LYPD6B: variants seen among roughly 807,000 people sequenced by gnomAD.
LYPD6B encodes LY6/PLAUR domain containing 6B.
Under a neutral mutation model 22.8 loss-of-function variants are expected in LYPD6B, and 17 were observed. The observed-to-expected ratio is 0.75, with a 90% CI of 0.51 to 1.12. LYPD6B has a LOEUF of 1.12. Ranked by LOEUF, LYPD6B falls within the 50% of genes most tolerant of loss-of-function variation. The pLI, the probability that LYPD6B is intolerant of heterozygous loss-of-function variation, is 0.00. For missense variants in LYPD6B, 221 were observed against 258.3 expected, an observed-to-expected ratio of 0.86 and a Z score of 0.99; for synonymous variants, 106 against 91.6, an observed-to-expected ratio of 1.16 and a Z score of -0.90.
At chr2:149,179,978 C>A (rs1331124849) in intron 3 of LYPD6B, among the ~76,000 whole-genome samples, 1 of 152,042 alleles carries the variant, frequency 6.6e-6, no homozygotes, top group Admixed American at 6.6e-5. Context: ...TTTATTTTTC[C>A]TGACAATAAT....
At chr2:149,047,688 CA>C (rs1391872137) in intron 1 of LYPD6B, among the ~76,000 whole-genome samples, 1 of 152,060 alleles carries the variant, frequency 6.6e-6, no homozygotes, top group Non-Finnish European at 1.5e-5. Flanking sequence ...AAATTCTCAG[CA>C]ATTATTTTTT....
At chr2:149,047,686 A>T (rs1466896696) in intron 1 of LYPD6B, among the ~76,000 whole-genome samples, 1 of 152,048 alleles carries the variant, frequency 6.6e-6, no homozygotes, top group Non-Finnish European at 1.5e-5. Flanking sequence ...GAAAATTCTC[A>T]GCAATTATTT....
At chr2:149,156,143 G>A (rs1689685258) in intron 2 of LYPD6B, among the ~76,000 whole-genome samples, 2 of 152,162 alleles carry the variant, frequency 1.3e-5, no homozygotes, top group Admixed American at 6.5e-5. Flanking sequence ...GGAACCTCTA[G>A]TCAGCACAGA....
At chr2:149,081,822 A>G (rs115922212) in intron 1 of LYPD6B, among the ~76,000 whole-genome samples, 1 of 152,346 alleles carries the variant, frequency 6.6e-6, no homozygotes, top group African/African-American at 2.4e-5. Flanking sequence ...TAAATATCAT[A>G]TAGCCCTAGA....
At chr2:149,150,790 A>G (rs391931) in intron 2 of LYPD6B, among the ~76,000 whole-genome samples, 98,644 of 151,802 alleles carry the variant, frequency 0.65, 32,198 homozygotes, top group South Asian at 0.76. Flanking sequence ...CCCTTTGTTT[A>G]TTTCTAGAAC....
At chr2:149,121,078 G>A (rs1424688448) in intron 1 of LYPD6B, among the ~76,000 whole-genome samples, 3 of 152,022 alleles carry the variant, frequency 2.0e-5, no homozygotes, top group Non-Finnish European at 2.9e-5. Context: ...AGGTATGAGC[G>A]ACCCCGCCTG....
intron 1 of LYPD6B, among the ~76,000 whole-genome samples, chr2:149,060,310 C>T (rs1340722882): frequency 2.0e-5 from 3 of 152,126 alleles, no homozygotes; most frequent in Non-Finnish European, 4.4e-5. Flanking sequence ...GCTGCTGTAT[C>T]TTTAAAATAG....
At chr2:149,087,944 G>C (rs373180042) in intron 1 of LYPD6B, among the ~76,000 whole-genome samples, 33 of 152,246 alleles carry the variant, frequency 2.2e-4, no homozygotes, top group African/African-American at 7.7e-4. Context: ...CCACCACTAG[G>C]GGGTAACGCT....
chr2:149,194,240 T>A (rs1472703487), intron 3 of LYPD6B, among the ~76,000 whole-genome samples: 5 of 152,202 alleles, frequency 3.3e-5, no homozygotes, highest in Admixed American at 3.3e-4. Context: ...TCATAACAAT[T>A]GCCCTTACAC....
chr2:149,039,226 A>AGCAC (rs1682954814), intron 1 of LYPD6B, among the ~76,000 whole-genome samples: 1 of 152,234 alleles, frequency 6.6e-6, no homozygotes, highest in African/African-American at 2.4e-5. Context: ...CGAGCGTGCC[A>AGCAC]GCTCCAGTGT....
chr2:149,082,432 T>C (rs1474231227), intron 1 of LYPD6B, among the ~76,000 whole-genome samples: 1 of 152,218 alleles, frequency 6.6e-6, no homozygotes, highest in Non-Finnish European at 1.5e-5. Context: ...TGCCTAGACA[T>C]GCAAGAATTT....
At chr2:149,123,660 G>T (rs1236123629) in intron 1 of LYPD6B, among the ~76,000 whole-genome samples, 1 of 152,092 alleles carries the variant, frequency 6.6e-6, no homozygotes, top group East Asian at 1.9e-4. Flanking sequence ...TCAAGAGATC[G>T]AGACCATCCT....
intron 1 of LYPD6B, among the ~76,000 whole-genome samples, chr2:149,104,369 G>A (rs1686365000): frequency 6.6e-6 from 1 of 152,148 alleles, no homozygotes; most frequent in Non-Finnish European, 1.5e-5. Context: ...GAGAGTTCTA[G>A]TTACTCTGCA....
At chr2:149,099,704 T>C (rs1686099297) in intron 1 of LYPD6B, among the ~76,000 whole-genome samples, 1 of 152,194 alleles carries the variant, frequency 6.6e-6, no homozygotes, top group Non-Finnish European at 1.5e-5. Flanking sequence ...CCTTCTTTTC[T>C]AGTGGGCTGA....
chr2:149,150,065 C>G (rs1199843823), intron 2 of LYPD6B, among the ~76,000 whole-genome samples: 1 of 152,224 alleles, frequency 6.6e-6, no homozygotes, highest in Non-Finnish European at 1.5e-5. Context: ...AATTTTGCCA[C>G]TGCTTACCCA....
chr2:149,070,078 A>G (rs184416539), intron 1 of LYPD6B, among the ~76,000 whole-genome samples: 76 of 152,146 alleles, frequency 5.0e-4, no homozygotes, highest in Non-Finnish European at 9.9e-4. Flanking sequence ...ATAAAAATGC[A>G]TATGTTTTGG....
At chr2:149,129,849 T>C (rs952424412) in intron 1 of LYPD6B, among the ~76,000 whole-genome samples, 4 of 152,242 alleles carry the variant, frequency 2.6e-5, no homozygotes, top group African/African-American at 9.6e-5. Flanking sequence ...ATAGAAACTC[T>C]GTAAGTATTG....
chr2:149,166,184 G>T (rs1238522530), intron 3 of LYPD6B, among the ~76,000 whole-genome samples: 7 of 152,094 alleles, frequency 4.6e-5, no homozygotes, highest in South Asian at 2.1e-4. Flanking sequence ...AAAAAATGTT[G>T]TGTTTATTTA....
chr2:149,134,270 T>C (rs1688218906), intron 2 of LYPD6B, among the ~76,000 whole-genome samples: 1 of 152,190 alleles, frequency 6.6e-6, no homozygotes, highest in African/African-American at 2.4e-5. Flanking sequence ...GATTTACAAG[T>C]TGGCTATTCT....
Sources: gnomAD v4.1 joint callset for allele counts (sites outside exome capture counted in the v4.1 genomes callset) on GRCh38, gnomAD v4.1.1 for gene constraint, MANE v1.5 for transcripts, NCBI Gene and HGNC (gene_info 2026-07-23, HGNC 2026-07-21) for gene names.